Variants in KHDRBS2 observed in about 807,000 individuals in gnomAD.
KHDRBS2 encodes KH RNA binding domain containing, signal transduction associated 2, also known as KH domain-containing, RNA-binding, signal transduction-associated protein 2.
Under a neutral mutation model 44.3 loss-of-function variants are expected in KHDRBS2, and 26 were observed. The observed-to-expected ratio is 0.59, with a 90% CI of 0.43 to 0.81. The LOEUF is 0.81. KHDRBS2 is among the 40% of genes least tolerant of loss of function. KHDRBS2 has a pLI of 0.00. For synonymous variants in KHDRBS2, 194 were observed against 151.1 expected, an observed-to-expected ratio of 1.28 and a Z score of -2.08; for missense variants, 476 against 433.1, an observed-to-expected ratio of 1.10 and a Z score of -0.88.
intron 2 of KHDRBS2, among the ~76,000 whole-genome samples, chr6:62,107,649 T>G (rs376378209): frequency 6.6e-6 from 1 of 151,904 alleles, no homozygotes; most frequent in Non-Finnish European, 1.5e-5. Flanking sequence ...AATCCTAAGC[T>G]AAAAGAACAA....
intron 4 of KHDRBS2, among the ~76,000 whole-genome samples, chr6:61,903,391 A>G (rs1173437648): frequency 6.6e-6 from 1 of 152,050 alleles, no homozygotes; most frequent in Non-Finnish European, 1.5e-5. Context: ...ACAAATTGCA[A>G]TTGAATTCAA....
At chr6:62,168,304 G>T (rs2150116918) in intron 2 of KHDRBS2, among the ~76,000 whole-genome samples, 1 of 152,180 alleles carries the variant, frequency 6.6e-6, no homozygotes, top group Non-Finnish European at 1.5e-5. Flanking sequence ...GGGCCTTGGG[G>T]CAAATTTAAT....
the KHDRBS2 span, among the ~76,000 whole-genome samples, chr6:61,630,765 G>A: frequency 6.6e-6 from 1 of 152,166 alleles, no homozygotes; most frequent in Non-Finnish European, 1.5e-5. Flanking sequence ...CATTGCAAGG[G>A]AGGGGAGCTT....
intron 1 of KHDRBS2, among the ~76,000 whole-genome samples, chr6:62,217,019 G>A (rs1162626219): frequency 3.6e-5 from 5 of 138,828 alleles, no homozygotes; most frequent in African/African-American, 1.1e-4. Context: ...AGAAAGAGAT[G>A]ATCTGATTAA....
intron 4 of KHDRBS2, among the ~76,000 whole-genome samples, chr6:61,955,705 T>C (rs1186058079): frequency 1.0e-5 from 1 of 98,136 alleles, no homozygotes; most frequent in Admixed American, 9.6e-5. Context: ...TGTGTATATA[T>C]ACACATATGT....
At chr6:62,262,516 TAATA>T (rs1243064175) in intron 1 of KHDRBS2, among the ~76,000 whole-genome samples, 1 of 151,822 alleles carries the variant, frequency 6.6e-6, no homozygotes, top group East Asian at 1.9e-4. Context: ...TATCATGAAA[TAATA>T]AAAGTAGAAA....
At chr6:61,631,562 G>C in the KHDRBS2 span, among the ~76,000 whole-genome samples, 2 of 152,252 alleles carry the variant, frequency 1.3e-5, no homozygotes, top group Admixed American at 6.5e-5. Context: ...TCAGAGATGA[G>C]TTGGTATTGT....
chr6:61,664,246 A>G, the KHDRBS2 span, among the ~76,000 whole-genome samples: 349 of 151,912 alleles, frequency 2.3e-3, 2 homozygotes, highest in African/African-American at 8.2e-3. Flanking sequence ...TACTGAAAAT[A>G]TAGTATCAAT....
rs35774578 is a variant in KHDRBS2, at chr6:61,845,309, G to GTT, written c.810+49324_810+49325dup. The stretch of plus-strand genomic sequence containing the variant: ...TTCAAAATGAGGGATACAGTTCCTT[G>GTT]TTTTTTTTTTTTTTTTTTGAGATGG... On this transcript the variant is annotated intron_variant, in intron 6 of 8. Coordinates refer to ENST00000281156, the MANE Select transcript of KHDRBS2 (RefSeq NM_152688.4). Among the ~76,000 whole-genome samples the GTT allele has an allele frequency of 5.5e-3, 690 of 125,768 alleles. 11 individuals carry two copies. The highest frequency in any genetic ancestry group is 0.013 in the African/African-American group (426 of 33,744). The allele number at this position is 125,768 out of a possible 152,430, so 82.5% of individuals were successfully genotyped here.
intron 6 of KHDRBS2, among the ~76,000 whole-genome samples, chr6:61,790,421 A>C (rs1276601768): frequency 6.7e-6 from 1 of 148,866 alleles, no homozygotes; most frequent in African/African-American, 2.4e-5. Context: ...AAAAAAAAAA[A>C]ACAGCAGAGG....
At chr6:61,782,444 G>A (rs1203259328) in intron 6 of KHDRBS2, among the ~76,000 whole-genome samples, 2 of 151,698 alleles carry the variant, frequency 1.3e-5, no homozygotes, top group South Asian at 2.1e-4. Flanking sequence ...TTTGCAGTTC[G>A]AGTGGAATTA....
intron 6 of KHDRBS2, among the ~76,000 whole-genome samples, chr6:61,741,911 T>A (rs1485422065): frequency 6.6e-6 from 1 of 152,096 alleles, no homozygotes; most frequent in Admixed American, 6.6e-5. Context: ...AGATTTAGCA[T>A]CTGTTCATTA....
intron 2 of KHDRBS2, among the ~76,000 whole-genome samples, chr6:62,149,566 A>C (rs1814651615): frequency 6.6e-6 from 1 of 152,162 alleles, no homozygotes; most frequent in Non-Finnish European, 1.5e-5. Flanking sequence ...AACAAGTATT[A>C]ACCCACTGGT....
intron 4 of KHDRBS2, among the ~76,000 whole-genome samples, chr6:61,954,304 T>TACACATATAC (rs1765453769): frequency 6.6e-6 from 1 of 151,476 alleles, no homozygotes. Context: ...TACACATATA[T>TACACATATAC]ATACATATAC....
At chr6:62,176,682 AATG>A (rs756528920) in intron 2 of KHDRBS2, among the ~76,000 whole-genome samples, 2 of 151,292 alleles carry the variant, frequency 1.3e-5, no homozygotes. Flanking sequence ...TAACATTAAG[AATG>A]ATATCATAAT....
chr6:62,047,834 G>A (rs766413566), intron 3 of KHDRBS2, 44 bp downstream of exon 3: 11 of 1,271,068 alleles, frequency 8.7e-6, no homozygotes, highest in South Asian at 3.6e-5. Context: ...AGTGTTATAG[G>A]TAACCTCCTG....
intron 4 of KHDRBS2, among the ~76,000 whole-genome samples, chr6:61,945,936 G>C (rs573489316): frequency 6.6e-6 from 1 of 152,150 alleles, no homozygotes; most frequent in East Asian, 1.9e-4. Flanking sequence ...GAACTAGTAA[G>C]TCTTGCATTA....
At chr6:61,988,482 GGTTCA>G (rs1325284351) in intron 3 of KHDRBS2, among the ~76,000 whole-genome samples, 1 of 152,074 alleles carries the variant, frequency 6.6e-6, no homozygotes, top group Non-Finnish European at 1.5e-5. Context: ...GCTTTCTTAG[GGTTCA>G]GTAGAAGAAA....
intron 1 of KHDRBS2, among the ~76,000 whole-genome samples, chr6:62,189,407 C>G (rs1314778780): frequency 6.6e-6 from 1 of 151,918 alleles, no homozygotes; most frequent in African/African-American, 2.4e-5. Flanking sequence ...ACTGTGCATC[C>G]AGGCTTTTCC....
Sources: gnomAD v4.1 joint callset for allele counts (sites outside exome capture counted in the v4.1 genomes callset) on GRCh38, gnomAD v4.1.1 for gene constraint, MANE v1.5 for transcripts, NCBI Gene and HGNC (gene_info 2026-07-23, HGNC 2026-07-21) for gene names.